The following KAZN variants were observed in gnomAD, a reference collection of about 807,000 sequenced individuals.
KAZN encodes kazrin.
A neutral mutation model predicts 87.4 loss-of-function variants in KAZN; 40 were observed. The observed-to-expected ratio is 0.46, with a 90% CI of 0.36 to 0.60. The LOEUF (loss-of-function observed/expected upper bound fraction) is 0.60, where lower values mean the gene tolerates loss of function less well. KAZN is among the 20% of genes least tolerant of loss of function. KAZN has a pLI of 0.00. For synonymous variants in KAZN, 466 were observed against 458.3 expected (o/e 1.02, Z -0.22); for missense variants, 898 against 1,073.9 (o/e 0.84, Z 2.29).
intron 1 of KAZN, among the ~76,000 whole-genome samples, chr1:14,871,933 G>A (rs1235823609): frequency 1.3e-5 from 2 of 152,104 alleles, no homozygotes; most frequent in African/African-American, 2.4e-5. Context: ...CAGGAGCTCA[G>A]TCTGGAGCAT....
At chr1:14,733,490 T>TCGTGC (rs1287088003) in intron 1 of KAZN, among the ~76,000 whole-genome samples, 1 of 152,144 alleles carries the variant, frequency 6.6e-6, no homozygotes. Flanking sequence ...CAGTGCAGCC[T>TCGTGC]CGTGCCGTAG....
rs1313871964 is a variant in KAZN, at chr1:14,153,988, G to A, written c.92-26447G>A. 3.3e-5 allele frequency among the ~76,000 whole-genome samples: 5 copies of A among 152,112 alleles called. No homozygotes were observed. The East Asian group carries it at 9.7e-4, about 29-fold the overall frequency. ...CTTATAATAGTTTTGGCCATTCTGG[G>A]TCTTTTGTGGTTACATATAAATTTT... On this transcript the variant is annotated intron_variant, in intron 1 of 16. Coordinates refer to the KAZN transcript ENST00000636203.
intron 8 of KAZN, among the ~76,000 whole-genome samples, chr1:15,073,934 C>T (rs1210141260): frequency 6.6e-6 from 1 of 152,232 alleles, no homozygotes; most frequent in African/African-American, 2.4e-5. Flanking sequence ...GGCCTGCAGG[C>T]CTCTGCCCAC....
At chr1:14,510,386 A>AAT (rs1479137228) in intron 2 of KAZN, among the ~76,000 whole-genome samples, 1 of 151,510 alleles carries the variant, frequency 6.6e-6, no homozygotes. Flanking sequence ...CTCAAAAAAA[A>AAT]AAAACAAACA....
chr1:14,413,563 T>C (rs970275123), intron 2 of KAZN, among the ~76,000 whole-genome samples: 6 of 115,326 alleles, frequency 5.2e-5, no homozygotes, highest in African/African-American at 6.8e-5. Context: ...CACTCCAGCC[T>C]GGGCAACAGT....
intron 1 of KAZN, among the ~76,000 whole-genome samples, chr1:14,072,150 T>G (rs1643273756): frequency 6.6e-6 from 1 of 152,154 alleles, no homozygotes; most frequent in Admixed American, 6.5e-5. Flanking sequence ...TGATGATGGA[T>G]GAGGATGATG....
intron 1 of KAZN, among the ~76,000 whole-genome samples, chr1:14,877,300 C>T (rs893861951): frequency 6.6e-6 from 1 of 152,184 alleles, no homozygotes; most frequent in Admixed American, 6.5e-5. Context: ...ATCCTTATTG[C>T]TAAGGATCGC....
At chr1:14,284,707 G>A (rs1002503134) in intron 2 of KAZN, among the ~76,000 whole-genome samples, 8 of 152,186 alleles carry the variant, frequency 5.3e-5, no homozygotes, top group Non-Finnish European at 8.8e-5. Context: ...AGGACCACTG[G>A]GAGACCATAG....
chr1:14,767,933 C>G (rs1022458322), intron 1 of KAZN, among the ~76,000 whole-genome samples: 12 of 152,296 alleles, frequency 7.9e-5, no homozygotes, highest in African/African-American at 2.2e-4. Flanking sequence ...TACCGAGGTG[C>G]CTGCAAAGTT....
chr1:14,816,968 A>G (rs890140732), intron 1 of KAZN, among the ~76,000 whole-genome samples: 3 of 152,196 alleles, frequency 2.0e-5, no homozygotes, highest in East Asian at 1.9e-4. Flanking sequence ...TATCATTTCT[A>G]TTTTCTAGAA....
rs534571179 is a variant in KAZN at position 14,836,443 on chromosome 1, G to C, written c.227-124241G>C. Among the ~76,000 whole-genome samples, 13 of 152,290 alleles carry C rather than the reference G, an allele frequency of 8.5e-5. No homozygotes were observed. The East Asian group carries it at 2.5e-3, about 29-fold the overall frequency. On this transcript the variant is annotated intron_variant, in intron 1 of 14. Transcript: ENST00000376030. The stretch of plus-strand genomic sequence containing the variant: ...GCTTCTGAGGGTTTTGTTGCGAGTG[G>C]CAAGTGGGAGCCACCAGATGTTCCA...
chr1:14,478,936 A>G (rs1357792666), intron 2 of KAZN, among the ~76,000 whole-genome samples: 2 of 152,360 alleles, frequency 1.3e-5, no homozygotes, highest in African/African-American at 4.8e-5. Context: ...TTCAGGGAAG[A>G]AGGAGAAAAC....
At chr1:14,061,664 C>A (rs1379475320) in intron 1 of KAZN, among the ~76,000 whole-genome samples, 1 of 152,216 alleles carries the variant, frequency 6.6e-6, no homozygotes, top group African/African-American at 2.4e-5. Context: ...GAAAATTCCA[C>A]AGTGGCAGGA....
intron 1 of KAZN, among the ~76,000 whole-genome samples, chr1:14,829,397 C>T (rs1180138343): frequency 1.3e-5 from 2 of 152,162 alleles, no homozygotes; most frequent in Non-Finnish European, 2.9e-5. Context: ...AAAGTGACAG[C>T]TAAGCCAAGA....
chr1:14,983,589 G>A (rs1666483239), intron 2 of KAZN, among the ~76,000 whole-genome samples: 1 of 152,054 alleles, frequency 6.6e-6, no homozygotes, highest in African/African-American at 2.4e-5. Flanking sequence ...TGTACCTTGA[G>A]GATAAAACTG....
intron 1 of KAZN, among the ~76,000 whole-genome samples, chr1:14,757,361 A>T (rs1389307082): frequency 6.6e-6 from 1 of 152,198 alleles, no homozygotes; most frequent in African/African-American, 2.4e-5. Flanking sequence ...GGCTACTGAA[A>T]CCGGAAGGAA....
intron 2 of KAZN, among the ~76,000 whole-genome samples, chr1:14,408,835 T>G (rs559142114): frequency 2.7e-5 from 4 of 150,812 alleles, no homozygotes; most frequent in South Asian, 2.1e-4. Flanking sequence ...AGTACACAAA[T>G]AAATAATCAA....
chr1:14,522,400 A>T (rs936088295), intron 2 of KAZN, among the ~76,000 whole-genome samples: 4 of 152,204 alleles, frequency 2.6e-5, no homozygotes, highest in African/African-American at 9.6e-5. Context: ...TTGAACAGAT[A>T]CAGCTTCTTG....
chr1:14,987,884 TA>T (rs1354100104), intron 2 of KAZN, among the ~76,000 whole-genome samples: 1 of 152,172 alleles, frequency 6.6e-6, no homozygotes, highest in Non-Finnish European at 1.5e-5. Flanking sequence ...GGACATATGA[TA>T]GACACTCAGG....
Sources: gnomAD v4.1 joint callset for allele counts (sites outside exome capture counted in the v4.1 genomes callset) on GRCh38, gnomAD v4.1.1 for gene constraint, MANE v1.5 for transcripts, NCBI Gene and HGNC (gene_info 2026-07-23, HGNC 2026-07-21) for gene names.